Variants in EXT2 observed in about 807,000 individuals in gnomAD.
EXT2 encodes exostosin-2.
In EXT2, 53 loss-of-function variants were observed where a neutral mutation model predicts 81.6. That is an observed-to-expected ratio of 0.65 (90% CI 0.52 to 0.82). EXT2 has a LOEUF of 0.82. Among genes scored for constraint, EXT2 ranks in the 40% least tolerant of loss-of-function variants. The pLI is 0.00. For missense variants in EXT2, 774 were observed against 910.2 expected (o/e 0.85, Z 1.93); for synonymous variants, 320 against 340.0 (o/e 0.94, Z 0.65).
chr11:44,171,493 A>T, intron 7 of EXT2, 118 bp from the exon 8 acceptor site: 2 of 1,490,084 alleles, frequency 1.3e-6, no homozygotes, highest in Non-Finnish European at 1.9e-6. Context: ...AGGCACCCCC[A>T]TCCCTACAAC....
chr11:44,205,806 G>A (rs1375435183), intron 9 of EXT2, among the ~76,000 whole-genome samples: 1 of 152,162 alleles, frequency 6.6e-6, no homozygotes, highest in Non-Finnish European at 1.5e-5. Flanking sequence ...ATTACATGAT[G>A]GACTTTTTGA....
chr11:44,176,868 G>A (rs1406943695), intron 8 of EXT2, among the ~76,000 whole-genome samples: 1 of 150,224 alleles, frequency 6.7e-6, no homozygotes, highest in East Asian at 2.0e-4. Flanking sequence ...TGGAGAAGGA[G>A]AGGTGAGAGT....
intron 7 of EXT2, among the ~76,000 whole-genome samples, chr11:44,157,403 G>A (rs994676556): frequency 9.9e-5 from 15 of 152,186 alleles, no homozygotes; most frequent in Admixed American, 6.5e-4. Flanking sequence ...GAATCTACTT[G>A]GTTCTCTATT....
chr11:44,125,882 G>C (rs1954395748), intron 5 of EXT2, among the ~76,000 whole-genome samples: 1 of 152,062 alleles, frequency 6.6e-6, no homozygotes, highest in African/African-American at 2.4e-5. Flanking sequence ...TGAGGTCAGG[G>C]GAGCTTTCCA....
intron 7 of EXT2, among the ~76,000 whole-genome samples, chr11:44,130,720 A>G (rs762116681): frequency 6.6e-6 from 1 of 152,254 alleles, no homozygotes; most frequent in Non-Finnish European, 1.5e-5. Flanking sequence ...GTCCTGAAGG[A>G]CATTTAATTG....
chr11:44,156,448 A>G (rs893649910), intron 7 of EXT2, among the ~76,000 whole-genome samples: 2 of 151,752 alleles, frequency 1.3e-5, no homozygotes, highest in African/African-American at 2.4e-5. Context: ...TCCTCTCTCT[A>G]TGTTTTCAAG....
intron 7 of EXT2, among the ~76,000 whole-genome samples, chr11:44,162,469 G>A (rs970854980): frequency 6.6e-6 from 1 of 151,638 alleles, no homozygotes; most frequent in Admixed American, 6.6e-5. Flanking sequence ...CCAGCTACTC[G>A]GGAGGCTGAG....
intron 9 of EXT2, among the ~76,000 whole-genome samples, chr11:44,203,115 G>A (rs1394161661): frequency 6.6e-6 from 1 of 152,104 alleles, no homozygotes; most frequent in Non-Finnish European, 1.5e-5. Flanking sequence ...CCTTCCATTT[G>A]TCATGCTTCT....
chr11:44,223,720 C>T (rs1955807264), intron 10 of EXT2, among the ~76,000 whole-genome samples: 3 of 150,676 alleles, frequency 2.0e-5, no homozygotes, highest in South Asian at 4.2e-4. Flanking sequence ...GCGTGATCTC[C>T]GCTTACTGCA....
At chr11:44,175,099 G>A (rs1955139948) in intron 8 of EXT2, among the ~76,000 whole-genome samples, 2 of 152,340 alleles carry the variant, frequency 1.3e-5, no homozygotes, top group South Asian at 2.1e-4. Context: ...ATCTTAGTGT[G>A]GAGAATGGAT....
chr11:44,148,591 G>T (rs1954751981), intron 7 of EXT2, among the ~76,000 whole-genome samples: 1 of 152,174 alleles, frequency 6.6e-6, no homozygotes, highest in Admixed American at 6.5e-5. Context: ...ATAAAATAGG[G>T]ATAATTGGGT....
rs77094915 is a variant in EXT2, at chr11:44,151,453, G to A, written c.1174-20158G>A. On this transcript the variant is annotated intron_variant, in intron 7 of 13. Coordinates refer to ENST00000533608, the MANE Select transcript of EXT2 (RefSeq NM_207122.2). Reference sequence around the variant, plus strand: ...CTCTGTGGTTTTGCCTTTTTTTGAAGTCATATAGTTGAAATTATATAGTAT... The same window carrying A: ...CTCTGTGGTTTTGCCTTTTTTTGAAATCATATAGTTGAAATTATATAGTAT... 5.5e-3 allele frequency among the ~76,000 whole-genome samples: 836 copies of A among 152,064 alleles called. 13 individuals carry two copies. The highest frequency in any genetic ancestry group is 0.019 in the African/African-American group (791 of 41,474).
At chr11:44,102,437 C>T (rs1953998151) in intron 1 of EXT2, among the ~76,000 whole-genome samples, 1 of 151,954 alleles carries the variant, frequency 6.6e-6, no homozygotes, top group African/African-American at 2.4e-5. Context: ...TTGGCTTTGC[C>T]CTGTTGCCTG....
chr11:44,120,529 A>C (rs915919830), intron 4 of EXT2, among the ~76,000 whole-genome samples: 4 of 152,208 alleles, frequency 2.6e-5, no homozygotes, highest in Non-Finnish European at 5.9e-5. Flanking sequence ...ACAAAAAAAA[A>C]TTAAAAAGTA....
intron 7 of EXT2, among the ~76,000 whole-genome samples, chr11:44,133,372 C>G (rs1179866880): frequency 6.6e-6 from 1 of 152,152 alleles, no homozygotes; most frequent in African/African-American, 2.4e-5. Context: ...TTTTGCAAGA[C>G]AGGCATCCAC....
At chr11:44,162,011 G>A (rs1954934363) in intron 7 of EXT2, among the ~76,000 whole-genome samples, 1 of 152,198 alleles carries the variant, frequency 6.6e-6, no homozygotes, top group South Asian at 2.1e-4. Flanking sequence ...GACATGACAA[G>A]TAAATGCACT....
chr11:44,116,775 T>C (rs1227591307), intron 4 of EXT2: 1 of 152,238 alleles, frequency 6.6e-6, no homozygotes, highest in African/African-American at 2.4e-5. Flanking sequence ...TTTGAGTATC[T>C]TTTCATGTGC....
At chr11:44,198,793 G>A (rs1161347971) in intron 9 of EXT2, among the ~76,000 whole-genome samples, 2 of 152,318 alleles carry the variant, frequency 1.3e-5, no homozygotes, top group East Asian at 1.9e-4. Flanking sequence ...ATAAGGTCTA[G>A]TTTATTGCCT....
intron 3 of EXT2, among the ~76,000 whole-genome samples, chr11:44,110,441 G>A (rs1028481385): frequency 6.6e-6 from 1 of 152,160 alleles, no homozygotes; most frequent in Non-Finnish European, 1.5e-5. Context: ...CTGAACACAG[G>A]GTAATTCCGG....
Sources: allele counts gnomAD v4.1 joint callset (sites outside exome capture counted in the v4.1 genomes callset), GRCh38; gene constraint gnomAD v4.1.1; transcripts MANE v1.5; gene names NCBI Gene and HGNC (gene_info 2026-07-23, HGNC 2026-07-21).